The following TTK variants were observed in gnomAD, a reference collection of about 807,000 sequenced individuals.
The protein encoded by TTK is dual specificity protein kinase TTK.
TTK carries 59 observed loss-of-function variants against 117.3 expected under a neutral mutation model. The observed-to-expected ratio is 0.50, with a 90% confidence interval of 0.41 to 0.62. The LOEUF (loss-of-function observed/expected upper bound fraction) is 0.62, where lower values mean the gene tolerates loss of function less well. Among genes scored for constraint, TTK ranks in the 20% least tolerant of loss-of-function variants. The pLI is 0.00. For missense variants in TTK, 921 were observed against 989.4 expected (o/e 0.93, Z 0.93); for synonymous variants, 302 against 325.0 (o/e 0.93, Z 0.76).
At chr6:80,040,356 A>T in intron 20 of TTK, 76 bp downstream of exon 20, 1 of 1,267,354 alleles carries the variant, frequency 7.9e-7, no homozygotes, top group Non-Finnish European at 1.1e-6. Flanking sequence ...TATAACAAAG[A>T]CAGAATCTAA....
Position 80,011,899 on chromosome 6 carries a change from G to A in TTK, c.815G>A (p.Gly272Glu). The change falls in exon 8 of 22, where the codon GGA becomes GAA. Residue 272 changes from glycine (G) to glutamate (E), a missense_variant. By Grantham distance (98) the Gly-to-Glu change is moderately conservative. Coordinates refer to ENST00000369798, the MANE Select transcript of TTK (RefSeq NM_003318.5). ...TNKTKQSCPF[G>E]RVPVNLLNSP... The stretch of plus-strand genomic sequence containing the variant: ...AAATATTTTTAGTCATGCCCATTTG[G>A]AAGAGTCCCAGTTAACCTTCTAAAT... The A allele has an allele frequency of 6.2e-7, 1 of 1,612,486 alleles. No individual in the cohort carries two copies. The highest frequency in any genetic ancestry group is 8.5e-7 in the Non-Finnish European group (1 of 1,179,088).
In TTK at chr6:80,037,760, G is replaced by A. The variant is rs139906727; in HGVS notation, c.2050-207G>A. The A allele has an allele frequency of 7.3e-4, 168 of 229,898 alleles. 2 individuals carry two copies. The East Asian group carries it at 0.014, about 19-fold the overall frequency. The allele number at this position is 229,898 out of a possible 1,614,324, so 14.2% of individuals were successfully genotyped here. On this transcript the variant is annotated intron_variant, in intron 17 of 21. Transcript: ENST00000369798. ...AGAAATTTGATATATATATCTTAAC[G>A]TTGTCAGCAGTTATTTGAAATTTGC...
At position 80,038,009 on chromosome 6, in the gene TTK, AT is replaced by A. The variant is rs1767951983; in HGVS notation, c.2093del (p.Met698SerfsTer14). On this transcript the variant is annotated frameshift_variant, in exon 18 of 22. Transcript: ENST00000369798. LOFTEE classifies it high-confidence loss of function. ...TATGCCACCAGAAGCAATCAAAGATATGTCTTCCTCCAGAGAGAATGGGAAA... is the reference window on the plus strand; with the variant it reads ...TATGCCACCAGAAGCAATCAAAGATAGTCTTCCTCCAGAGAGAATGGGAAA... Reference protein sequence around the residue: ...NYMPPEAIKDMSSSRENGKSK... With the variant: ...NYMPPEAIKDXSSSRENGKSK... 1 of 1,610,802 alleles carries A rather than the reference AT, an allele frequency of 6.2e-7. No homozygotes were observed. Among genetic ancestry groups the A allele is most frequent in the African/African-American group, 1.3e-5 (1 of 74,898 alleles).
Position 80,022,487 on chromosome 6 carries a change from A to C in TTK, c.1257+15A>C. The C allele has an allele frequency of 6.2e-7, 1 of 1,609,972 alleles. No homozygotes were observed. The highest frequency in any genetic ancestry group is 8.5e-7 in the Non-Finnish European group (1 of 1,178,874). ...TTAATACAGAGGTAACTTTTCCACT[A>C]AAGTACAATATTGCTTTTTTGTTCA... On this transcript the variant is annotated intron_variant, in intron 11 of 21. Transcript: ENST00000369798.
intron 12 of TTK, 107 bp downstream of exon 12, chr6:80,026,621 G>C: frequency 2.0e-6 from 3 of 1,463,906 alleles, no homozygotes; most frequent in Non-Finnish European, 1.9e-6. Context: ...TTACTTTAAA[G>C]ACTTTCCATC....
intron 10 of TTK, among the ~76,000 whole-genome samples, chr6:80,017,742 T>C (rs1767349391): frequency 2.0e-5 from 3 of 152,224 alleles, no homozygotes. Context: ...GGGATTGTGA[T>C]TGATATTTAA....
At chr6:80,035,531 A>G (rs993549155) in intron 16 of TTK, 114 bp downstream of exon 16, 6 of 1,062,420 alleles carry the variant, frequency 5.6e-6, no homozygotes, top group Non-Finnish European at 5.2e-6. Context: ...TAACGAGATC[A>G]ACTAAATAAT....
At position 80,039,742 on chromosome 6, in the gene TTK, A is replaced by G. The variant is rs150451663; in HGVS notation, c.2177A>G (p.Tyr726Cys). ...TGGTCCTTAGGATGTATTTTGTACTATATGACTTACGGGAAAACACCATTT... is the reference window on the plus strand; with the variant it reads ...TGGTCCTTAGGATGTATTTTGTACTGTATGACTTACGGGAAAACACCATTT... ...DVWSLGCILY[Y>C]MTYGKTPFQQ... Residue 726 changes from tyrosine to cysteine, a missense_variant, in exon 19 of 22, where the codon TAT becomes TGT. By Grantham distance (194) the Tyr-to-Cys change is radical. Coordinates refer to ENST00000369798, the MANE Select transcript of TTK (RefSeq NM_003318.5). 102 of 1,590,316 alleles carry G rather than the reference A, an allele frequency of 6.4e-5. No individual in the cohort carries two copies. The African/African-American group carries it at 8.2e-4, about 13-fold the overall frequency.
chr6:80,035,057 C>G lies in TTK; in HGVS notation c.1687C>G (p.Gln563Glu). 1 of 1,602,366 alleles carries G rather than the reference C, an allele frequency of 6.2e-7. No homozygotes were observed. Among genetic ancestry groups the G allele is most frequent in the Non-Finnish European group, 8.5e-7 (1 of 1,176,230 alleles). ...TGTGAACTTAGAAGAAGCAGATAAC[C>G]AAACTCTTGATAGTTACCGGAACGA... ...KYVNLEEADN[Q>E]TLDSYRNEIA... The change falls in exon 15 of 22, where the codon CAA (glutamine) becomes GAA (glutamate). Residue 563 changes from glutamine (Q) to glutamate (E), a missense_variant. Physicochemically the swap from Gln to Glu is conservative, Grantham distance 29. Transcript: ENST00000369798.
At position 80,035,152 on chromosome 6, in the gene TTK, C is replaced by G. The variant is rs751398834; in HGVS notation, c.1772+10C>G. 2.6e-6 allele frequency: 4 copies of G among 1,540,850 alleles called. No individual in the cohort carries two copies. Among genetic ancestry groups the G allele is most frequent in the Non-Finnish European group, 3.5e-6 (4 of 1,149,222 alleles). On this transcript the variant is annotated intron_variant, in intron 15 of 21. Coordinates refer to ENST00000369798, the MANE Select transcript of TTK (RefSeq NM_003318.5). ...TCCGACTTTATGATTAGTAAGAATT[C>G]TTTTTAAATTTAAAAAGAAAACTTT...
rs759035620 is a variant in TTK, at chr6:80,011,834, G to T, written c.801+33G>T. The T allele has an allele frequency of 5.0e-6, 8 of 1,611,932 alleles. No individual in the cohort carries two copies. In the Admixed American group the frequency reaches 1.3e-4, roughly 27 times the overall value. On this transcript the variant is annotated intron_variant, in intron 7 of 21. Transcript: ENST00000369798. ...ACTTTCAATCTGCTTGATTAAGGTG[G>T]TGATAGTCTTTATTTCCTAGTTGGT...
chr6:80,014,871 A>T (rs1481558511), intron 10 of TTK, among the ~76,000 whole-genome samples: 1 of 152,182 alleles, frequency 6.6e-6, no homozygotes, highest in Non-Finnish European at 1.5e-5. Context: ...AAGGGATACA[A>T]AAGCTGTTTT....
intron 13 of TTK, among the ~76,000 whole-genome samples, chr6:80,030,193 T>G (rs1363396224): frequency 1.3e-5 from 2 of 152,198 alleles, no homozygotes; most frequent in Admixed American, 1.3e-4. Flanking sequence ...TTGTTTAACT[T>G]GGTTAATCAG....
intron 11 of TTK, among the ~76,000 whole-genome samples, chr6:80,025,246 A>G (rs1767575334): frequency 6.6e-6 from 1 of 152,174 alleles, no homozygotes; most frequent in South Asian, 2.1e-4. Context: ...CTTTACCACT[A>G]ATCTTAAAAT....
At position 80,037,804 on chromosome 6, in the gene TTK, T is replaced by C. The variant is rs1582115245; in HGVS notation, c.2050-163T>C. On this transcript the variant is annotated intron_variant, in intron 17 of 21. Coordinates refer to ENST00000369798, the MANE Select transcript of TTK (RefSeq NM_003318.5). The stretch of plus-strand genomic sequence containing the variant: ...AATTTGCAAGGATATCATTGAAATT[T>C]ATAATTACCCAAGTTTCCAAGGATC... The C allele has an allele frequency of 3.7e-5, 11 of 296,320 alleles. No individual in the cohort carries two copies. In the East Asian group the frequency reaches 6.7e-4, roughly 18 times the overall value. The allele number at this position is 296,320 out of a possible 1,614,324, so 18.4% of individuals were successfully genotyped here. A position where few individuals can be genotyped will look rare whatever the true frequency, so the allele number is the denominator to read the frequency against.
intron 21 of TTK, 64 bp from the exon 22 acceptor site, chr6:80,042,055 C>A: frequency 3.4e-6 from 3 of 886,816 alleles, no homozygotes; most frequent in Admixed American, 2.4e-5. Flanking sequence ...CAAAATACAT[C>A]TACTGATGTG....
chr6:80,035,473 C>G, intron 16 of TTK, 56 bp downstream of exon 16: 1 of 1,499,326 alleles, frequency 6.7e-7, no homozygotes, highest in Non-Finnish European at 8.9e-7. Flanking sequence ...ATAGTGTCAT[C>G]TTAGAGAAAT....
rs1198612165 is a variant in TTK, at chr6:80,022,278, A to G, written c.1109-46A>G. The G allele has an allele frequency of 1.9e-6, 3 of 1,579,944 alleles. No individual in the cohort carries two copies. The Admixed American group carries it at 5.3e-5, about 28-fold the overall frequency. On this transcript the variant is annotated intron_variant, in intron 10 of 21. Transcript: ENST00000369798. ...TTCTGTTGTTTAGGCTTAGTTTATT[A>G]TGATCAAATATTCTTGCTTTTTAAT...
chr6:80,012,581 C>A (rs1767190058), intron 8 of TTK, among the ~76,000 whole-genome samples: 1 of 152,088 alleles, frequency 6.6e-6, no homozygotes, highest in East Asian at 1.9e-4. Context: ...TTCTGACCAA[C>A]ATTTGTAATA....
Sources: allele counts gnomAD v4.1 joint callset (sites outside exome capture counted in the v4.1 genomes callset), GRCh38; gene constraint gnomAD v4.1.1; transcripts MANE v1.5; gene names NCBI Gene and HGNC (gene_info 2026-07-23, HGNC 2026-07-21).